MFSD11: variants seen among roughly 807,000 people sequenced by gnomAD.
The protein encoded by MFSD11 is UNC93-like protein MFSD11.
A neutral mutation model predicts 53.5 loss-of-function variants in MFSD11; 36 were observed. That is an observed-to-expected ratio of 0.67 (90% CI 0.52 to 0.89). MFSD11 has a LOEUF of 0.89. Ranked by LOEUF, MFSD11 falls within the 40% of genes least tolerant of loss-of-function variation. The pLI, the probability that MFSD11 is intolerant of heterozygous loss-of-function variation, is 0.00. For synonymous variants in MFSD11, 186 were observed against 184.9 expected, an observed-to-expected ratio of 1.01 and a Z score of -0.05; for missense variants, 530 against 543.9, an observed-to-expected ratio of 0.97 and a Z score of 0.25.
intron 8 of MFSD11, among the ~76,000 whole-genome samples, chr17:76,760,837 G>C (rs2144633391): frequency 6.6e-6 from 1 of 152,238 alleles, no homozygotes; most frequent in East Asian, 1.9e-4. Flanking sequence ...GCCAGGAGCA[G>C]TTTCTATCGG....
chr17:76,802,648 G>A, the MFSD11 span, among the ~76,000 whole-genome samples: 1 of 152,168 alleles, frequency 6.6e-6, no homozygotes, highest in Non-Finnish European at 1.5e-5. Flanking sequence ...GGAGGCCGAG[G>A]CAGGCAAATC....
At chr17:76,769,565 G>A (rs752083535) in intron 9 of MFSD11, 181 bp from the exon 10 acceptor site, 29 of 484,964 alleles carry the variant, frequency 6.0e-5, no homozygotes, top group Non-Finnish European at 1.0e-4. Context: ...TCCATAGCAT[G>A]AAGCTAATTC....
intron 8 of MFSD11, among the ~76,000 whole-genome samples, chr17:76,755,681 T>C (rs1206515807): frequency 1.3e-5 from 2 of 148,990 alleles, no homozygotes; most frequent in Non-Finnish European, 3.0e-5. Flanking sequence ...GTTTCAGGAA[T>C]ATATTCATAG....
the MFSD11 span, among the ~76,000 whole-genome samples, chr17:76,790,209 C>T: frequency 8.3e-5 from 12 of 144,688 alleles, 2 homozygotes; most frequent in Admixed American, 4.8e-4. Flanking sequence ...AGCCTCTTGA[C>T]GCATGAGCCA....
chr17:76,737,882 C>G, upstream of MFSD11: 1 of 170,420 alleles, frequency 5.9e-6, no homozygotes, highest in Non-Finnish European at 1.2e-5. Flanking sequence ...TGCGTCCTGG[C>G]GGTGGGGACT....
chr17:76,737,427 C>G (rs9902624), upstream of MFSD11: 1 of 401,116 alleles, frequency 2.5e-6, no homozygotes, highest in East Asian at 3.8e-5. Context: ...GCCCACCGCG[C>G]CCCGCTTCGT....
intron 10 of MFSD11, among the ~76,000 whole-genome samples, chr17:76,772,309 C>T (rs759008046): frequency 1.3e-5 from 2 of 151,638 alleles, no homozygotes; most frequent in Non-Finnish European, 2.9e-5. Context: ...CCTGTCGTCC[C>T]AGCTACTTGG....
chr17:76,801,087 A>G, the MFSD11 span, among the ~76,000 whole-genome samples: 1 of 150,950 alleles, frequency 6.6e-6, no homozygotes, highest in Non-Finnish European at 1.5e-5. Flanking sequence ...AAAAAAAAAA[A>G]GGAATAAAAG....
the MFSD11 span, among the ~76,000 whole-genome samples, chr17:76,800,572 G>T: frequency 6.6e-6 from 1 of 152,108 alleles, no homozygotes; most frequent in Non-Finnish European, 1.5e-5. Flanking sequence ...GAAAGAAAAT[G>T]ACACACATAA....
intron 7 of MFSD11, among the ~76,000 whole-genome samples, chr17:76,749,088 T>C (rs1034831320): frequency 6.6e-6 from 1 of 152,218 alleles, no homozygotes; most frequent in African/African-American, 2.4e-5. Flanking sequence ...TCATATACTA[T>C]ATAATTCACC....
chr17:76,737,273 G>T (rs770898397), upstream of MFSD11: 82 of 1,397,386 alleles, frequency 5.9e-5, no homozygotes, highest in Non-Finnish European at 7.3e-5. Context: ...CACTGGGAAA[G>T]GCCTTGCCGC....
At chr17:76,789,293 G>A in the MFSD11 span, among the ~76,000 whole-genome samples, 3 of 150,118 alleles carry the variant, frequency 2.0e-5, no homozygotes, top group African/African-American at 4.9e-5. Context: ...CGGGGTTTGT[G>A]TTTTTCTTCC....
chr17:76,775,506 G>A (rs76159179), intron 11 of MFSD11, among the ~76,000 whole-genome samples: 10 of 152,292 alleles, frequency 6.6e-5, no homozygotes, highest in East Asian at 3.9e-4. Flanking sequence ...AAAGAGGAGC[G>A]AGGGAGAACC....
the MFSD11 span, among the ~76,000 whole-genome samples, chr17:76,789,284 G>C: frequency 1.3e-5 from 2 of 150,150 alleles, no homozygotes; most frequent in East Asian, 3.9e-4. Flanking sequence ...GCATGGTTCC[G>C]GGGTTTGTGT....
At chr17:76,769,693 TA>T (rs2081212285) in intron 9 of MFSD11, 52 bp from the exon 10 acceptor site, 3 of 1,465,358 alleles carry the variant, frequency 2.0e-6, no homozygotes, top group South Asian at 2.5e-5. Context: ...GATGGGAAGA[TA>T]AACAAAAATG....
At chr17:76,784,332 G>A (rs2082240941), downstream of MFSD11, among the ~76,000 whole-genome samples, 4 of 151,378 alleles carry the variant, frequency 2.6e-5, no homozygotes, top group East Asian at 4.0e-4. Context: ...TCAAGAGATC[G>A]AGACCATCCT....
chr17:76,757,479 G>T (rs901710066), intron 8 of MFSD11, among the ~76,000 whole-genome samples: 10 of 152,184 alleles, frequency 6.6e-5, no homozygotes, highest in Non-Finnish European at 1.5e-4. Context: ...TGTGGCCTGT[G>T]TGTGGCCAGT....
At chr17:76,737,176 C>T (rs933034414), upstream of MFSD11, 8 of 1,532,930 alleles carry the variant, frequency 5.2e-6, no homozygotes, top group Non-Finnish European at 7.1e-6. Context: ...TGAGTGGCGG[C>T]CCGGAGCCCC....
At chr17:76,745,998 A>G (rs910917367) in intron 7 of MFSD11, among the ~76,000 whole-genome samples, 1 of 152,144 alleles carries the variant, frequency 6.6e-6, no homozygotes, top group African/African-American at 2.4e-5. Flanking sequence ...TAAGCTTAGC[A>G]AGGAAGACAT....
Sources: allele counts gnomAD v4.1 joint callset (sites outside exome capture counted in the v4.1 genomes callset), GRCh38; gene constraint gnomAD v4.1.1; transcripts MANE v1.5; gene names NCBI Gene and HGNC (gene_info 2026-07-23, HGNC 2026-07-21).